RNF145: variants seen among roughly 807,000 people sequenced by gnomAD.
The protein encoded by RNF145 is ring finger protein 145.
A neutral mutation model predicts 57.3 loss-of-function variants in RNF145; 12 were observed. That is an observed-to-expected ratio of 0.21 (90% CI 0.13 to 0.34). The LOEUF is 0.34. RNF145 is among the 10% of genes least tolerant of loss of function. The pLI, the probability that RNF145 is intolerant of heterozygous loss-of-function variation, is 1.00. For missense variants in RNF145, 429 were observed against 799.0 expected, an observed-to-expected ratio of 0.54 and a Z score of 5.58; for synonymous variants, 262 against 288.3, an observed-to-expected ratio of 0.91 and a Z score of 0.92.
intron 6 of RNF145, among the ~76,000 whole-genome samples, chr5:159,170,738 G>A (rs998598930): frequency 1.3e-4 from 20 of 152,190 alleles, no homozygotes; most frequent in African/African-American, 4.8e-4. Flanking sequence ...AAGACCGTAA[G>A]AGCGTGCCAC....
chr5:159,177,209 C>A (rs1442814452), intron 4 of RNF145, among the ~76,000 whole-genome samples: 4 of 152,042 alleles, frequency 2.6e-5, no homozygotes, highest in African/African-American at 9.7e-5. Flanking sequence ...TACATAACTT[C>A]TTTTCCAAAG....
At chr5:159,175,209 A>C (rs1394187962) in intron 5 of RNF145, among the ~76,000 whole-genome samples, 1 of 152,172 alleles carries the variant, frequency 6.6e-6, no homozygotes, top group Non-Finnish European at 1.5e-5. Flanking sequence ...AGAAAAAGGA[A>C]ACTGCCCAAC....
At chr5:159,184,282 A>C (rs1784989374) in intron 3 of RNF145, among the ~76,000 whole-genome samples, 1 of 152,172 alleles carries the variant, frequency 6.6e-6, no homozygotes, top group African/African-American at 2.4e-5. Context: ...CCTCTTTTTA[A>C]AAACTTTGTC....
At chr5:159,169,938 C>T (rs1784494356) in intron 6 of RNF145, 119 bp from the exon 7 acceptor site, 1 of 738,900 alleles carries the variant, frequency 1.4e-6, no homozygotes, top group Non-Finnish European at 2.1e-6. Context: ...ACATCCTAAA[C>T]CAAAATTTGA....
rs1195770416 is a variant in RNF145 at position 159,158,431 on chromosome 5, A to G, written c.*239T>C. On this transcript the variant is annotated 3_prime_UTR_variant, in exon 11 of 11. Coordinates refer to ENST00000424310, the MANE Select transcript of RNF145 (RefSeq NM_001199383.2). ...TTGAATTTTCTTCACAAACCTCTAT[A>G]AAACATCAGCAGAGAACATATAAAT... 4.1e-6 allele frequency: 2 copies of G among 488,208 alleles called. No individual in the cohort carries two copies. Among genetic ancestry groups the G allele is most frequent in the Non-Finnish European group, 7.3e-6 (2 of 274,918 alleles). The allele number at this position is 488,208 out of a possible 1,614,324, so 30.2% of individuals were successfully genotyped here.
intron 4 of RNF145, among the ~76,000 whole-genome samples, chr5:159,177,300 GCAA>G (rs1784749790): frequency 6.6e-6 from 1 of 152,050 alleles, no homozygotes; most frequent in Non-Finnish European, 1.5e-5. Flanking sequence ...AGATCATACT[GCAA>G]CAATATTTGT....
chr5:159,191,330 G>C (rs553800778), intron 3 of RNF145, among the ~76,000 whole-genome samples: 1 of 152,272 alleles, frequency 6.6e-6, no homozygotes, highest in African/African-American at 2.4e-5. Context: ...GAATGAACTA[G>C]ATTGTGAAAA....
At chr5:159,195,429 T>C (rs1001304926) in intron 2 of RNF145, among the ~76,000 whole-genome samples, 1 of 152,228 alleles carries the variant, frequency 6.6e-6, no homozygotes, top group Non-Finnish European at 1.5e-5. Context: ...AATGCCTCTA[T>C]TTTCTAAGCA....
At chr5:159,205,559 G>A (rs10515777) in intron 1 of RNF145, among the ~76,000 whole-genome samples, 18,337 of 152,128 alleles carry the variant, frequency 0.12, 1,443 homozygotes, top group South Asian at 0.2. Context: ...ACTTTGGTGA[G>A]CAAACTGATA....
At chr5:159,170,544 T>G (rs1404264261) in intron 6 of RNF145, among the ~76,000 whole-genome samples, 3 of 152,226 alleles carry the variant, frequency 2.0e-5, no homozygotes, top group African/African-American at 7.2e-5. Context: ...TATAAATACA[T>G]GTACTATTAT....
chr5:159,172,812 T>G (rs1032033412), intron 6 of RNF145, among the ~76,000 whole-genome samples: 1 of 152,224 alleles, frequency 6.6e-6, no homozygotes, highest in African/African-American at 2.4e-5. Context: ...CACCACTTAG[T>G]ACACAGTCTT....
chr5:159,209,807 T>G, upstream of RNF145: 1 of 1,521,346 alleles, frequency 6.6e-7, no homozygotes. Context: ...ACGTGCTCTC[T>G]CACTCCCAAA....
At chr5:159,181,666 C>A (rs1784896815) in intron 4 of RNF145, among the ~76,000 whole-genome samples, 1 of 151,810 alleles carries the variant, frequency 6.6e-6, no homozygotes, top group East Asian at 1.9e-4. Flanking sequence ...TTTAATCTTT[C>A]AAAGTAATAA....
chr5:159,209,431 C>G lies in RNF145; in HGVS notation c.-240G>C, dbSNP rs1240554786. On this transcript the variant is annotated 5_prime_UTR_variant, in exon 1 of 11. Coordinates refer to ENST00000424310, the MANE Select transcript of RNF145 (RefSeq NM_001199383.2). ...GGAGGCAGCGGCAGCGGCAGCGGCC[C>G]GGCCCGTACGGTCACCATCGTCCGC... 1.0e-5 allele frequency: 10 copies of G among 984,660 alleles called. No homozygotes were observed. In the African/African-American group the frequency reaches 1.4e-4, roughly 14 times the overall value. The allele number at this position is 984,660 out of a possible 1,614,324, so 61.0% of individuals were successfully genotyped here.
chr5:159,181,847 C>T, intron 4 of RNF145, 113 bp downstream of exon 4: 1 of 637,720 alleles, frequency 1.6e-6, no homozygotes, highest in African/African-American at 1.8e-5. Flanking sequence ...GAAAAGTCCC[C>T]ATGAATCACT....
intron 6 of RNF145, among the ~76,000 whole-genome samples, chr5:159,172,212 C>T (rs751283751): frequency 2.2e-4 from 34 of 152,094 alleles, no homozygotes; most frequent in Non-Finnish European, 4.7e-4. Context: ...GTCTTCAGGC[C>T]GGGCGTGGTG....
intron 4 of RNF145, among the ~76,000 whole-genome samples, chr5:159,179,849 T>C (rs557792968): frequency 1.3e-5 from 2 of 152,280 alleles, no homozygotes; most frequent in African/African-American, 4.8e-5. Flanking sequence ...CCCATAACTT[T>C]TCTACTCTAG....
At chr5:159,177,423 G>A (rs1162482641) in intron 4 of RNF145, among the ~76,000 whole-genome samples, 7 of 151,952 alleles carry the variant, frequency 4.6e-5, no homozygotes, top group Admixed American at 1.3e-4. Context: ...TGGGGATTAC[G>A]CATGATCATT....
chr5:159,206,709 C>G (rs747412756), intron 1 of RNF145, among the ~76,000 whole-genome samples: 19 of 152,074 alleles, frequency 1.2e-4, no homozygotes, highest in Non-Finnish European at 2.2e-4. Flanking sequence ...CTCTTGAAAA[C>G]AAAATAATAC....
Sources: allele counts gnomAD v4.1 joint callset (sites outside exome capture counted in the v4.1 genomes callset), GRCh38; gene constraint gnomAD v4.1.1; transcripts MANE v1.5; gene names NCBI Gene and HGNC (gene_info 2026-07-23, HGNC 2026-07-21).